The following RAB37 variants were observed in gnomAD, a reference collection of about 807,000 sequenced individuals.
RAB37 encodes ras-related protein Rab-37.
Under a neutral mutation model 33.1 loss-of-function variants are expected in RAB37, and 29 were observed. The observed-to-expected ratio is 0.88, with a 90% CI of 0.65 to 1.20. RAB37 has a LOEUF of 1.20. RAB37 is among the 50% of genes most tolerant of loss of function. The pLI, the probability that RAB37 is intolerant of heterozygous loss-of-function variation, is 0.00. For synonymous variants in RAB37, 128 were observed against 119.5 expected, an observed-to-expected ratio of 1.07 and a Z score of -0.47; for missense variants, 299 against 301.1, an observed-to-expected ratio of 0.99 and a Z score of 0.05.
At chr17:74,698,276 G>A in intron 1 of RAB37, 1 of 904,854 alleles carries the variant, frequency 1.1e-6, no homozygotes, top group Non-Finnish European at 1.8e-6. Context: ...TTTCCTGATT[G>A]TGTGGGTAAT....
intron 1 of RAB37, among the ~76,000 whole-genome samples, chr17:74,714,487 C>T (rs2034133630): frequency 6.6e-6 from 1 of 151,742 alleles, no homozygotes. Context: ...GAACTACTGG[C>T]CCACTGACAA....
At chr17:74,687,756 C>T (rs2032083374) in intron 1 of RAB37, among the ~76,000 whole-genome samples, 2 of 152,186 alleles carry the variant, frequency 1.3e-5, no homozygotes, top group Non-Finnish European at 2.9e-5. Flanking sequence ...AGCCTCACTA[C>T]ACCAGCGGAG....
intron 2 of RAB37, among the ~76,000 whole-genome samples, chr17:74,732,244 A>G (rs1460991849): frequency 1.3e-5 from 2 of 152,206 alleles, no homozygotes; most frequent in African/African-American, 4.8e-5. Flanking sequence ...CTGCTTCAGT[A>G]AAACCACGTG....
Position 74,745,467 on chromosome 17 carries a change from C to A in RAB37, c.*56C>A. The A allele has an allele frequency of 7.0e-7, 1 of 1,426,240 alleles. No homozygotes were observed. The allele number at this position is 1,426,240 out of a possible 1,614,324, so 88.3% of individuals were successfully genotyped here. A position where few individuals can be genotyped will look rare whatever the true frequency, so the allele number is the denominator to read the frequency against. The stretch of plus-strand genomic sequence containing the variant: ...GCACACAGGATGCAGCCTTCCCCCT[C>A]CCAGGCCTGGCTTATTCCAAGAGGC... On this transcript the variant is annotated 3_prime_UTR_variant, in exon 9 of 9. Coordinates refer to ENST00000392613, the MANE Select transcript of RAB37 (RefSeq NM_001006638.3). The surrounding 1 kb of genome is among the most constrained non-coding windows in gnomAD (Gnocchi z 4.5).
In RAB37 at chr17:74,671,700, C is replaced by A; in HGVS notation, c.72+42C>A. The A allele has an allele frequency of 5.1e-6, 8 of 1,578,572 alleles. No homozygotes were observed. Among genetic ancestry groups the A allele is most frequent in the Non-Finnish European group, 7.0e-6 (8 of 1,147,854 alleles). ...TTCCTCAACCTAACGTTGGAAGAGGCGCCAGCACCAGGAGTTTTCTCCACT... is the reference window on the plus strand; with the variant it reads ...TTCCTCAACCTAACGTTGGAAGAGGAGCCAGCACCAGGAGTTTTCTCCACT... On this transcript the variant is annotated intron_variant, in intron 1 of 7. Coordinates refer to the RAB37 transcript ENST00000340415. This position sits in a 1 kb window ranked among gnomAD's most constrained non-coding sequence, Gnocchi z 5.0.
At chr17:74,741,878 C>G (rs549456398) in intron 2 of RAB37, among the ~76,000 whole-genome samples, 10 of 152,214 alleles carry the variant, frequency 6.6e-5, no homozygotes, top group Non-Finnish European at 1.3e-4. Flanking sequence ...AACACCCCAT[C>G]TCCAGGGGCT....
chr17:74,693,275 T>G (rs1253853590), intron 1 of RAB37, among the ~76,000 whole-genome samples: 1 of 152,174 alleles, frequency 6.6e-6, no homozygotes, highest in Non-Finnish European at 1.5e-5. Context: ...AAGCCTTATC[T>G]TGTTAGAAGG....
In RAB37 at chr17:74,699,690, C is replaced by T. The variant is rs2032857893; in HGVS notation, c.72+28032C>T. On this transcript the variant is annotated intron_variant, in intron 1 of 7. Transcript: ENST00000340415. The stretch of plus-strand genomic sequence containing the variant: ...CTGGTGACACCTTGATTTCCAATTC[C>T]TGGCCTCCTTAGCTGTGAGAGAACG... Among the ~76,000 whole-genome samples, 3 of 152,174 alleles carry T rather than the reference C, an allele frequency of 2.0e-5. No homozygotes were observed. In the South Asian group the frequency reaches 6.2e-4, roughly 32 times the overall value.
chr17:74,735,131 GAAGA>G (rs1255610407), upstream of RAB37, among the ~76,000 whole-genome samples: 2 of 139,592 alleles, frequency 1.4e-5, no homozygotes, highest in Admixed American at 7.7e-5. Flanking sequence ...AAGAAAGAAA[GAAGA>G]GAGAGAGAGA....
Position 74,671,786 on chromosome 17 carries a change from C to A in RAB37, c.72+128C>A, listed in dbSNP as rs941451079. On this transcript the variant is annotated intron_variant, in intron 1 of 7. Transcript: ENST00000340415. The surrounding 1 kb of genome is among the most constrained non-coding windows in gnomAD (Gnocchi z 5.0). The stretch of plus-strand genomic sequence containing the variant: ...GCTTGTATCTGTGAGTCTGGGGAGC[C>A]CTTTCTGTCTGATCCTGTTTCCTGC... 4 of 794,984 alleles carry A rather than the reference C, an allele frequency of 5.0e-6. No individual in the cohort carries two copies. The African/African-American group carries it at 5.1e-5, about 10-fold the overall frequency. 49.2% of individuals were successfully genotyped at this position (794,984 alleles called of 1,614,324 possible). A position where few individuals can be genotyped will look rare whatever the true frequency, so the allele number is the denominator to read the frequency against.
intron 1 of RAB37, 137 bp downstream of exon 1, chr17:74,737,502 C>A: frequency 2.0e-6 from 2 of 1,024,512 alleles, no homozygotes; most frequent in Non-Finnish European, 2.8e-6. Context: ...CAGGACACAG[C>A]CTCTGGGGCC....
At chr17:74,722,791 G>A (rs1002990732) in intron 1 of RAB37, among the ~76,000 whole-genome samples, 1 of 152,084 alleles carries the variant, frequency 6.6e-6, no homozygotes, top group Non-Finnish European at 1.5e-5. Context: ...CTTTGTTTGT[G>A]GAATCTTCTG....
At chr17:74,722,296 AAAAG>A (rs1385910094) in intron 1 of RAB37, among the ~76,000 whole-genome samples, 11 of 151,992 alleles carry the variant, frequency 7.2e-5, no homozygotes, top group Admixed American at 2.6e-4. Flanking sequence ...AAAAAAAAAA[AAAAG>A]AAAGAGAGAG....
At chr17:74,702,023 TAA>T (rs1056975884) in intron 1 of RAB37, among the ~76,000 whole-genome samples, 1 of 139,670 alleles carries the variant, frequency 7.2e-6, no homozygotes, top group African/African-American at 2.7e-5. Flanking sequence ...TGTCTAAAAA[TAA>T]AAAAAAAGAA....
At chr17:74,728,286 G>A (rs987247275) in intron 1 of RAB37, among the ~76,000 whole-genome samples, 4 of 152,034 alleles carry the variant, frequency 2.6e-5, no homozygotes, top group African/African-American at 9.7e-5. Flanking sequence ...CTGTGTGCAT[G>A]TGTGTGTTCT....
Position 74,676,341 on chromosome 17 carries a change from T to TG in RAB37, c.72+4689dup, listed in dbSNP as rs1431542362. On this transcript the variant is annotated intron_variant, in intron 1 of 7. Coordinates refer to the RAB37 transcript ENST00000340415. The surrounding 1 kb of genome is among the most constrained non-coding windows in gnomAD (Gnocchi z 4.1). The stretch of plus-strand genomic sequence containing the variant: ...AAGTCAGTCTCAGAAAGACTGGGGG[T>TG]GGGGGGCAGAAAAACGTGAGCTGCT... 3.3e-5 allele frequency among the ~76,000 whole-genome samples: 5 copies of TG among 151,082 alleles called. No individual in the cohort carries two copies. In the East Asian group the frequency reaches 9.7e-4, roughly 29 times the overall value.
upstream of RAB37, chr17:74,736,545 C>T: frequency 6.8e-7 from 1 of 1,469,294 alleles, no homozygotes; most frequent in South Asian, 1.4e-5. Flanking sequence ...TAAGGCCGGC[C>T]CCGCCTTCAG....
Position 74,742,266 on chromosome 17 carries a change from A to T in RAB37, c.217A>T (p.Thr73Ser). 5 of 1,613,296 alleles carry T rather than the reference A, an allele frequency of 3.1e-6. No individual in the cohort carries two copies. Among genetic ancestry groups the T allele is most frequent in the Non-Finnish European group, 4.2e-6 (5 of 1,179,498 alleles). ...VGIDFRNKVV[T>S]VDGVRVKLQI... is the part of the protein sequence containing the mutation. Reference sequence around the variant, plus strand: ...TTTTCTCTTTCAGAACAAGGTGGTGACTGTGGATGGCGTGAGAGTGAAGCT... The same window carrying T: ...TTTTCTCTTTCAGAACAAGGTGGTGTCTGTGGATGGCGTGAGAGTGAAGCT... Residue 73 changes from threonine (T) to serine (S), a missense_variant, in exon 3 of 9, where the codon ACT becomes TCT. Thr to Ser is a moderately conservative substitution (Grantham distance 58). Coordinates refer to ENST00000392613, the MANE Select transcript of RAB37 (RefSeq NM_001006638.3). The surrounding 1 kb of genome is among the most constrained non-coding windows in gnomAD (Gnocchi z 4.0).
rs1458009909 is a variant in RAB37 at position 74,742,943 on chromosome 17, G to A, written c.247-186G>A. Among the ~76,000 whole-genome samples, 1 of 152,074 alleles carries A rather than the reference G, an allele frequency of 6.6e-6. No homozygotes were observed. Among genetic ancestry groups the A allele is most frequent in the Non-Finnish European group, 1.5e-5 (1 of 68,000 alleles). The stretch of plus-strand genomic sequence containing the variant: ...CTCGGCTGAGGAGATGATTTTGAAC[G>A]AGCTTGAGAAATCAGTAACTGCTAC... On this transcript the variant is annotated intron_variant, in intron 3 of 8. Coordinates refer to ENST00000392613, the MANE Select transcript of RAB37 (RefSeq NM_001006638.3). The surrounding 1 kb of genome is among the most constrained non-coding windows in gnomAD (Gnocchi z 4.0).
Sources: allele counts gnomAD v4.1 joint callset (sites outside exome capture counted in the v4.1 genomes callset), GRCh38; gene constraint gnomAD v4.1.1; non-coding constraint Gnocchi (gnomAD v3.1); transcripts MANE v1.5; gene names NCBI Gene and HGNC (gene_info 2026-07-23, HGNC 2026-07-21).